CNTLN: variants seen among roughly 807,000 people sequenced by gnomAD.
The protein encoded by CNTLN is centlein.
CNTLN carries 212 observed loss-of-function variants against 180.0 expected under a neutral mutation model. The observed-to-expected ratio is 1.18, with a 90% confidence interval of 1.05 to 1.32. The LOEUF is 1.32. CNTLN is among the 40% of genes most tolerant of loss of function. The probability of loss-of-function intolerance (pLI) is 0.00; values close to 1 mark genes in which losing one functional copy is unlikely to be tolerated. For synonymous variants in CNTLN, 722 were observed against 563.1 expected, an observed-to-expected ratio of 1.28 and a Z score of -3.99; for missense variants, 2,095 against 1,610.9, an observed-to-expected ratio of 1.30 and a Z score of -5.14.
chr9:17,260,748 A>G (rs1457869382), intron 5 of CNTLN, among the ~76,000 whole-genome samples: 3 of 151,404 alleles, frequency 2.0e-5, no homozygotes, highest in Non-Finnish European at 4.4e-5. Context: ...TCTTCATCAT[A>G]AAATCTTTGC....
intron 16 of CNTLN, among the ~76,000 whole-genome samples, chr9:17,411,867 C>G (rs1208469901): frequency 1.3e-5 from 2 of 152,110 alleles, no homozygotes; most frequent in African/African-American, 4.8e-5. Context: ...GAACCGGTGA[C>G]TCCCTCCTTT....
intron 18 of CNTLN, among the ~76,000 whole-genome samples, chr9:17,441,365 TA>T (rs1213140976): frequency 2.0e-5 from 3 of 152,084 alleles, no homozygotes; most frequent in Admixed American, 6.6e-5. Flanking sequence ...AAAACATAAC[TA>T]AAAATATGAT....
intron 2 of CNTLN, among the ~76,000 whole-genome samples, chr9:17,217,705 G>T (rs569020026): frequency 6.6e-6 from 1 of 152,090 alleles, no homozygotes; most frequent in Non-Finnish European, 1.5e-5. Flanking sequence ...ATCATAAAAG[G>T]CATATAATAC....
chr9:17,350,279 G>A (rs1160710228), intron 12 of CNTLN, among the ~76,000 whole-genome samples: 2 of 152,140 alleles, frequency 1.3e-5, no homozygotes, highest in African/African-American at 2.4e-5. Flanking sequence ...ACTGACATTC[G>A]TGTGTGTTTT....
In CNTLN at chr9:17,135,930, TTA is replaced by T. The variant is rs1817683767; in HGVS notation, c.360+506_360+507del. The stretch of plus-strand genomic sequence containing the variant: ...AGTTGTAAACACAGACGAGTAACGT[TTA>T]GAAAGTCTCAGAGCCGGGAACTTAA... On this transcript the variant is annotated intron_variant, in intron 1 of 25. Transcript: ENST00000380647. 2.0e-5 allele frequency among the ~76,000 whole-genome samples: 3 copies of T among 152,212 alleles called. No homozygotes were observed. In the South Asian group the frequency reaches 6.2e-4, roughly 32 times the overall value.
At chr9:17,193,303 C>T (rs1821909318) in intron 2 of CNTLN, among the ~76,000 whole-genome samples, 1 of 152,184 alleles carries the variant, frequency 6.6e-6, no homozygotes, top group Non-Finnish European at 1.5e-5. Flanking sequence ...CAAAAGTCCA[C>T]AGTCCAAAGT....
At chr9:17,364,409 A>G (rs1325082912) in intron 12 of CNTLN, among the ~76,000 whole-genome samples, 1 of 151,882 alleles carries the variant, frequency 6.6e-6, no homozygotes, top group African/African-American at 2.4e-5. Flanking sequence ...TTCTGGTATT[A>G]TGTTATTATT....
chr9:17,135,448 C>G, intron 1 of CNTLN, 23 bp downstream of exon 1: 2 of 1,577,028 alleles, frequency 1.3e-6, no homozygotes, highest in Non-Finnish European at 1.7e-6. Flanking sequence ...CTCGCAGTCC[C>G]CCTTTCCCCA....
intron 18 of CNTLN, among the ~76,000 whole-genome samples, chr9:17,439,932 A>G (rs1485093710): frequency 1.3e-5 from 2 of 152,220 alleles, no homozygotes; most frequent in Non-Finnish European, 2.9e-5. Context: ...TAATAAGTAA[A>G]TGTTTGTTAT....
chr9:17,307,010 C>A (rs538737061), intron 7 of CNTLN, among the ~76,000 whole-genome samples: 2 of 152,244 alleles, frequency 1.3e-5, no homozygotes, highest in African/African-American at 4.8e-5. Flanking sequence ...TACAAGTAGG[C>A]ACGCTGAACT....
chr9:17,151,762 A>G (rs1433605563), intron 2 of CNTLN, among the ~76,000 whole-genome samples: 1 of 152,190 alleles, frequency 6.6e-6, no homozygotes, highest in Non-Finnish European at 1.5e-5. Context: ...TACCTCTGGT[A>G]GAATTCGGCT....
chr9:17,489,989 C>G (rs1160605155), intron 25 of CNTLN, among the ~76,000 whole-genome samples: 2 of 152,018 alleles, frequency 1.3e-5, no homozygotes, highest in Admixed American at 1.3e-4. Flanking sequence ...TTTTTTAAAA[C>G]TTGTAATTTA....
At chr9:17,351,656 G>T (rs941592389) in intron 12 of CNTLN, among the ~76,000 whole-genome samples, 12 of 151,506 alleles carry the variant, frequency 7.9e-5, no homozygotes, top group Admixed American at 5.9e-4. Context: ...TCACTGTTAC[G>T]CCCTTATTCA....
chr9:17,506,141 C>A (rs559756573), downstream of CNTLN, among the ~76,000 whole-genome samples: 35 of 151,392 alleles, frequency 2.3e-4, no homozygotes, highest in African/African-American at 8.0e-4. Context: ...TAAATTACAT[C>A]AAAATGGGTC....
chr9:17,293,144 C>G (rs1011409607), intron 6 of CNTLN, among the ~76,000 whole-genome samples: 1 of 152,186 alleles, frequency 6.6e-6, no homozygotes, highest in Admixed American at 6.5e-5. Context: ...CCTGCTACTT[C>G]CTCTGGCTGG....
intron 18 of CNTLN, among the ~76,000 whole-genome samples, chr9:17,417,997 A>G (rs927040778): frequency 6.6e-6 from 1 of 151,994 alleles, no homozygotes; most frequent in Non-Finnish European, 1.5e-5. Flanking sequence ...TTTCATATGA[A>G]TTTCTCCCTG....
At chr9:17,245,900 C>G (rs188005210) in intron 5 of CNTLN, among the ~76,000 whole-genome samples, 1 of 152,102 alleles carries the variant, frequency 6.6e-6, no homozygotes. Flanking sequence ...TTAATAACTT[C>G]AATTCCTTTT....
chr9:17,256,474 T>A (rs1826496735), intron 5 of CNTLN, among the ~76,000 whole-genome samples: 1 of 152,008 alleles, frequency 6.6e-6, no homozygotes, highest in Admixed American at 6.6e-5. Flanking sequence ...TGAGATGGTA[T>A]CTCATTGTGT....
At chr9:17,492,689 A>G (rs1379031092) in intron 25 of CNTLN, among the ~76,000 whole-genome samples, 1 of 152,200 alleles carries the variant, frequency 6.6e-6, no homozygotes, top group Admixed American at 6.5e-5. Context: ...GTTCCTCCAC[A>G]CATTAAGCAT....
Sources: allele counts gnomAD v4.1 joint callset (sites outside exome capture counted in the v4.1 genomes callset), GRCh38; gene constraint gnomAD v4.1.1; transcripts MANE v1.5; gene names NCBI Gene and HGNC (gene_info 2026-07-23, HGNC 2026-07-21).